The following GAREM1 variants were observed in gnomAD, a reference collection of about 807,000 sequenced individuals.
GAREM1 encodes GRB2-associated and regulator of MAPK protein 1.
A neutral mutation model predicts 71.3 loss-of-function variants in GAREM1; 26 were observed. That is an observed-to-expected ratio of 0.36 (90% CI 0.27 to 0.51). The LOEUF (loss-of-function observed/expected upper bound fraction) is 0.51, where lower values mean the gene tolerates loss of function less well. GAREM1 is among the 20% of genes least tolerant of loss of function. The pLI is 0.95. For synonymous variants in GAREM1, 440 were observed against 433.2 expected (o/e 1.02, Z -0.20); for missense variants, 1,026 against 1,103.1 (o/e 0.93, Z 0.99).
chr18:32,408,877 G>A (rs2048389930), intron 1 of GAREM1, among the ~76,000 whole-genome samples: 1 of 152,144 alleles, frequency 6.6e-6, no homozygotes. Context: ...TTCTGATTAA[G>A]TTAAGCTATG....
intron 2 of GAREM1, among the ~76,000 whole-genome samples, chr18:32,365,494 T>C (rs977317298): frequency 6.6e-6 from 1 of 152,204 alleles, no homozygotes; most frequent in South Asian, 2.1e-4. Flanking sequence ...ATCTCACATG[T>C]AGTACAAAAC....
chr18:32,461,438 G>C (rs1018031167), intron 1 of GAREM1, among the ~76,000 whole-genome samples: 1 of 152,158 alleles, frequency 6.6e-6, no homozygotes, highest in African/African-American at 2.4e-5. Context: ...GCTCATACCT[G>C]TAATTCCAGC....
chr18:32,398,655 T>C (rs2048281466), intron 1 of GAREM1, among the ~76,000 whole-genome samples: 1 of 152,148 alleles, frequency 6.6e-6, no homozygotes, highest in African/African-American at 2.4e-5. Flanking sequence ...TAACAGGCTC[T>C]GAAATTGAGG....
chr18:32,350,035 G>A (rs1423925553), intron 2 of GAREM1, among the ~76,000 whole-genome samples: 1 of 152,132 alleles, frequency 6.6e-6, no homozygotes, highest in Non-Finnish European at 1.5e-5. Context: ...AAAGAAACTT[G>A]GGCTTTCTGA....
intron 2 of GAREM1, among the ~76,000 whole-genome samples, chr18:32,330,120 T>C (rs1388550429): frequency 6.6e-6 from 1 of 152,220 alleles, no homozygotes; most frequent in African/African-American, 2.4e-5. Context: ...GGCCCATCGA[T>C]GATGGACTGT....
At chr18:32,270,897 G>GTTTTTTTT (rs58914123) in intron 4 of GAREM1, among the ~76,000 whole-genome samples, 28 of 92,612 alleles carry the variant, frequency 3.0e-4, no homozygotes, top group Admixed American at 7.3e-4. Flanking sequence ...GTTCAGGGAT[G>GTTTTTTTT]TTTTTTTTTT....
chr18:32,463,780 T>A (rs545577766), intron 1 of GAREM1, among the ~76,000 whole-genome samples: 73 of 151,776 alleles, frequency 4.8e-4, no homozygotes, highest in African/African-American at 1.4e-3. Flanking sequence ...CGTGTTAGCC[T>A]GGATGATCTT....
chr18:32,404,911 C>T (rs2048351891), intron 1 of GAREM1, among the ~76,000 whole-genome samples: 1 of 152,004 alleles, frequency 6.6e-6, no homozygotes, highest in Non-Finnish European at 1.5e-5. Flanking sequence ...TTATCTGTCA[C>T]GGACATAAAC....
intron 2 of GAREM1, among the ~76,000 whole-genome samples, chr18:32,371,028 C>T (rs774167636): frequency 6.6e-6 from 1 of 152,044 alleles, no homozygotes; most frequent in Non-Finnish European, 1.5e-5. Context: ...CAAATGTGGA[C>T]ATTTAGTGTC....
intron 4 of GAREM1, among the ~76,000 whole-genome samples, chr18:32,270,594 A>G (rs933325218): frequency 1.3e-5 from 2 of 152,242 alleles, no homozygotes; most frequent in Non-Finnish European, 2.9e-5. Flanking sequence ...TTGCTGGGAC[A>G]GAATGATTTT....
chr18:32,466,917 T>C (rs1026918821), intron 1 of GAREM1, among the ~76,000 whole-genome samples: 2 of 152,154 alleles, frequency 1.3e-5, no homozygotes, highest in African/African-American at 4.8e-5. Context: ...TGGGGCAACA[T>C]TTATAAAGGC....
chr18:32,395,933 C>G (rs1028906823), intron 1 of GAREM1, among the ~76,000 whole-genome samples: 2 of 152,164 alleles, frequency 1.3e-5, no homozygotes, highest in Non-Finnish European at 2.9e-5. Context: ...AGACTGACAC[C>G]TCACATGGCC....
chr18:32,439,957 T>C (rs1489682141), intron 1 of GAREM1, among the ~76,000 whole-genome samples: 2 of 152,174 alleles, frequency 1.3e-5, no homozygotes, highest in Admixed American at 1.3e-4. Context: ...GAGTTAGCTC[T>C]AGAAATTGCA....
chr18:32,470,695 G>GGGC lies in GAREM1; in HGVS notation c.-270_-268dup, dbSNP rs923233701. On this transcript the variant is annotated 5_prime_UTR_variant, in exon 1 of 6. Transcript: ENST00000269209. The surrounding 1 kb of genome is among the most constrained non-coding windows in gnomAD (Gnocchi z 4.4). ...AGACTCAGAGCAGCCGCGCGGCTGC[G>GGGC]GGCGGCGGCGGCGGCCCGGGTGGCT... 3.7e-4 allele frequency among the ~76,000 whole-genome samples: 56 copies of GGGC among 149,760 alleles called. No homozygotes were observed. Among genetic ancestry groups the GGGC allele is most frequent in the Middle Eastern group, 7.0e-3 (2 of 286 alleles).
At chr18:32,330,948 C>T (rs1423146705) in intron 2 of GAREM1, among the ~76,000 whole-genome samples, 1 of 152,166 alleles carries the variant, frequency 6.6e-6, no homozygotes, top group East Asian at 1.9e-4. Flanking sequence ...GCACTCTTTA[C>T]AGTTCCATAT....
chr18:32,329,636 G>A (rs909893143), intron 2 of GAREM1, among the ~76,000 whole-genome samples: 5 of 149,368 alleles, frequency 3.3e-5, no homozygotes, highest in African/African-American at 1.2e-4. Context: ...AACCCAGGAG[G>A]CGGAGGTTAC....
At chr18:32,284,187 C>G (rs983288386) in intron 4 of GAREM1, among the ~76,000 whole-genome samples, 2 of 152,062 alleles carry the variant, frequency 1.3e-5, no homozygotes, top group African/African-American at 4.8e-5. Context: ...TTCATGGTCA[C>G]AGAACCAATA....
intron 2 of GAREM1, among the ~76,000 whole-genome samples, chr18:32,359,422 T>A (rs2047840099): frequency 6.6e-6 from 1 of 152,198 alleles, no homozygotes; most frequent in Non-Finnish European, 1.5e-5. Context: ...CAATTTGGCC[T>A]ATCACAGTTT....
rs116009337 is a variant in GAREM1 at position 32,417,989 on chromosome 18, A to G, written c.122-24954T>C. On this transcript the variant is annotated intron_variant, in intron 1 of 5. Transcript: ENST00000269209. ...AAAATATCTCATGTAGCCTATAAAC[A>G]TATACACCTACTATGTACGCACAAA... 7.2e-3 allele frequency among the ~76,000 whole-genome samples: 1,101 copies of G among 152,308 alleles called. 21 individuals are homozygous for G. Among genetic ancestry groups the G allele is most frequent in the African/African-American group, 0.025 (1,049 of 41,572 alleles).
Sources: allele counts gnomAD v4.1 joint callset (sites outside exome capture counted in the v4.1 genomes callset), GRCh38; gene constraint gnomAD v4.1.1; non-coding constraint Gnocchi (gnomAD v3.1); transcripts MANE v1.5; gene names NCBI Gene and HGNC (gene_info 2026-07-23, HGNC 2026-07-21).